TRIM66: variants seen among roughly 807,000 people sequenced by gnomAD.
The protein encoded by TRIM66 is tripartite motif containing 66.
Under a neutral mutation model 148.2 loss-of-function variants are expected in TRIM66, and 99 were observed. That is an observed-to-expected ratio of 0.67 (90% CI 0.57 to 0.79). The LOEUF is 0.79. TRIM66 is among the 30% of genes least tolerant of loss of function. The probability of loss-of-function intolerance (pLI) is 0.00; values close to 1 mark genes in which losing one functional copy is unlikely to be tolerated. For synonymous variants in TRIM66, 616 were observed against 635.9 expected, an observed-to-expected ratio of 0.97 and a Z score of 0.47; for missense variants, 1,666 against 1,697.9, an observed-to-expected ratio of 0.98 and a Z score of 0.33.
intron 7 of TRIM66, among the ~76,000 whole-genome samples, chr11:8,651,081 T>C (rs1388284077): frequency 6.6e-6 from 1 of 152,172 alleles, no homozygotes; most frequent in African/African-American, 2.4e-5. Context: ...TTTGGAAAAG[T>C]TGGCCTATCT....
At chr11:8,634,399 G>A (rs976096107) in intron 15 of TRIM66, among the ~76,000 whole-genome samples, 4 of 152,164 alleles carry the variant, frequency 2.6e-5, no homozygotes, top group Non-Finnish European at 5.9e-5. Context: ...GAGCTGTTGA[G>A]CTCAAACAAT....
At chr11:8,643,153 T>C (rs2036547658) in intron 12 of TRIM66, 27 bp from the exon 13 acceptor site, 1 of 1,539,392 alleles carries the variant, frequency 6.5e-7, no homozygotes, top group African/African-American at 1.4e-5. Flanking sequence ...AGGTCATTTA[T>C]TTGGGCATCT....
At chr11:8,633,772 G>A (rs1043842802) in intron 15 of TRIM66, among the ~76,000 whole-genome samples, 1 of 152,156 alleles carries the variant, frequency 6.6e-6, no homozygotes, top group Non-Finnish European at 1.5e-5. Context: ...AGTTACCAGG[G>A]TTTAATGAGT....
chr11:8,646,471 G>C lies in TRIM66; in HGVS notation c.933C>G (p.Ala311=). Residue 311 remains alanine (A), a synonymous_variant, in exon 11 of 25, where the codon GCC becomes GCG. Transcript: ENST00000646038. The stretch of plus-strand genomic sequence containing the variant: ...CCTCTAATTCCTCTATTAGCCCATT[G>C]GCCTGTTTGTTCAGCTCATTCATCA... The part of the protein sequence containing the change: ...MVLMNELNKQ[A]NGLIEELEGI... 6.4e-7 allele frequency: 1 copy of C among 1,552,196 alleles called. No homozygotes were observed. The highest frequency in any genetic ancestry group is 8.7e-7 in the Non-Finnish European group (1 of 1,147,100).
At position 8,655,724 on chromosome 11, in the gene TRIM66, G is replaced by A. The variant is rs141625845; in HGVS notation, c.341-3821C>T. On this transcript the variant is annotated intron_variant, in intron 6 of 24. Coordinates refer to ENST00000646038, the MANE Select transcript of TRIM66 (RefSeq NM_001388022.1). ...TTGAAGCTAGGAGGCGGAACTTGCA[G>A]TGAGCTGAGATTATGCCACTGCACT... Among the ~76,000 whole-genome samples, 48 of 152,254 alleles carry A rather than the reference G, an allele frequency of 3.2e-4. No individual in the cohort carries two copies. The East Asian group carries it at 7.7e-3, about 24-fold the overall frequency.
intron 6 of TRIM66, among the ~76,000 whole-genome samples, chr11:8,668,229 T>C (rs934468986): frequency 6.6e-6 from 1 of 152,190 alleles, no homozygotes; most frequent in African/African-American, 2.4e-5. Context: ...TTTGGAGAAA[T>C]GTATATTCAA....
intron 4 of TRIM66, among the ~76,000 whole-genome samples, chr11:8,673,139 A>C (rs1225135923): frequency 1.4e-5 from 2 of 145,088 alleles, no homozygotes; most frequent in Non-Finnish European, 3.0e-5. Flanking sequence ...ACGGGGTTTC[A>C]CCGTGGTCTC....
intron 21 of TRIM66, 71 bp from the exon 22 acceptor site, chr11:8,620,195 C>A: frequency 7.0e-7 from 1 of 1,429,488 alleles, no homozygotes; most frequent in South Asian, 1.3e-5. Context: ...AAGATGTTGA[C>A]CCTGATAACT....
At chr11:8,619,668 G>A (rs2034012190) in intron 22 of TRIM66, 133 bp from the exon 23 acceptor site, 2 of 926,026 alleles carry the variant, frequency 2.2e-6, no homozygotes, top group African/African-American at 3.4e-5. Flanking sequence ...ATGATGAGGA[G>A]CAGCAGGAAG....
intron 15 of TRIM66, among the ~76,000 whole-genome samples, chr11:8,634,375 C>T (rs116891394): frequency 0.051 from 7,758 of 152,262 alleles, 269 homozygotes; most frequent in Non-Finnish European, 0.069. Context: ...CACCATGTTG[C>T]CCAGGCTGGT....
intron 13 of TRIM66, among the ~76,000 whole-genome samples, chr11:8,642,037 C>T (rs1479985117): frequency 1.3e-5 from 2 of 152,158 alleles, no homozygotes; most frequent in African/African-American, 4.8e-5. Flanking sequence ...TATTTCTTCA[C>T]AATAATGCGA....
intron 3 of TRIM66, chr11:8,678,028 G>A (rs972083932): frequency 1.3e-5 from 2 of 152,202 alleles, no homozygotes; most frequent in Non-Finnish European, 2.9e-5. Context: ...GGCTAGGGAG[G>A]TTAAAATGAA....
At chr11:8,635,855 G>A (rs575031070) in intron 15 of TRIM66, among the ~76,000 whole-genome samples, 36 of 152,048 alleles carry the variant, frequency 2.4e-4, no homozygotes, top group Non-Finnish European at 3.4e-4. Context: ...CATGTATGTC[G>A]CTCAGCTCCT....
intron 15 of TRIM66, among the ~76,000 whole-genome samples, chr11:8,626,831 C>A (rs1262504391): frequency 1.3e-5 from 2 of 152,156 alleles, no homozygotes; most frequent in Non-Finnish European, 2.9e-5. Context: ...CATTCAATAA[C>A]CCTCTCCTCA....
At chr11:8,622,365 C>CACACACATATATATAT in intron 18 of TRIM66, among the ~76,000 whole-genome samples, 1 of 59,612 alleles carries the variant, frequency 1.7e-5, no homozygotes, top group Non-Finnish European at 3.9e-5. Context: ...CACACACACA[C>CACACACATATATATAT]ATATATATAT....
chr11:8,651,896 G>A lies in TRIM66; in HGVS notation c.348C>T (p.Ile116=). 2 of 1,551,110 alleles carry A rather than the reference G, an allele frequency of 1.3e-6. No homozygotes were observed. The highest frequency in any genetic ancestry group is 1.7e-6 in the Non-Finnish European group (2 of 1,146,602). ...ATACTCGTTCACACCCAGGACAGGA[G>A]ATGAGCTCTGTGCAAGAAAGAAAGA... ...KAHETVADEL[I]SCPGCERVYL... is the part of the protein sequence containing the mutation. Residue 116 remains isoleucine, a synonymous_variant, in exon 7 of 25, where the codon ATC becomes ATT. Coordinates refer to ENST00000646038, the MANE Select transcript of TRIM66 (RefSeq NM_001388022.1).
At chr11:8,652,290 T>C (rs2037424932) in intron 6 of TRIM66, among the ~76,000 whole-genome samples, 1 of 152,080 alleles carries the variant, frequency 6.6e-6, no homozygotes, top group African/African-American at 2.4e-5. Context: ...CCAGAGTCAG[T>C]TTAGTCTGGG....
At chr11:8,672,429 C>T in intron 4 of TRIM66, 44 bp from the exon 5 acceptor site, 1 of 1,471,212 alleles carries the variant, frequency 6.8e-7, no homozygotes, top group Non-Finnish European at 8.9e-7. Context: ...GCATTATTGA[C>T]AAGTTTATGA....
In TRIM66 at chr11:8,624,742, C is replaced by A; in HGVS notation, c.2797G>T (p.Asp933Tyr). The A allele has an allele frequency of 6.5e-7, 1 of 1,540,508 alleles. No homozygotes were observed. Among genetic ancestry groups the A allele is most frequent in the South Asian group, 1.2e-5 (1 of 82,250 alleles). Residue 933 changes from aspartate (D) to tyrosine (Y), a missense_variant, in exon 16 of 25, where the codon GAT becomes TAT. Physicochemically the swap from Asp to Tyr is radical, Grantham distance 160. This residue lies in a region of TRIM66 where 1,431 missense variants were observed against 1,412.4 expected (regional missense o/e 1.01). Coordinates refer to ENST00000646038, the MANE Select transcript of TRIM66 (RefSeq NM_001388022.1). ...CACAGAGCATTCTCCAGGGAGGGAT[C>A]AGCCCCATCTCTGGGACACAGGCTC... ...SGSLCPRDGADPSLENALCKM... is the reference protein window; with the variant it reads ...SGSLCPRDGAYPSLENALCKM...
Sources: gnomAD v4.1 joint callset for allele counts (sites outside exome capture counted in the v4.1 genomes callset) on GRCh38, gnomAD v4.1.1 for gene constraint, gnomAD v4.1.1 regional missense constraint, MANE v1.5 for transcripts, NCBI Gene and HGNC (gene_info 2026-07-23, HGNC 2026-07-21) for gene names.